Variants in ATP6V1B2 observed in about 807,000 individuals in gnomAD.
The protein encoded by ATP6V1B2 is V-type proton ATPase subunit B, brain isoform.
ATP6V1B2 carries 23 observed loss-of-function variants against 66.7 expected under a neutral mutation model. The observed-to-expected ratio is 0.34, with a 90% CI of 0.25 to 0.49. The LOEUF (loss-of-function observed/expected upper bound fraction) is 0.49, where lower values mean the gene tolerates loss of function less well. Among genes scored for constraint, ATP6V1B2 ranks in the 20% least tolerant of loss-of-function variants. ATP6V1B2 has a pLI of 0.99. For synonymous variants in ATP6V1B2, 278 were observed against 236.7 expected (o/e 1.17, Z -1.60); for missense variants, 478 against 650.8 (o/e 0.73, Z 2.89).
intron 12 of ATP6V1B2, 67 bp from the exon 13 acceptor site, chr8:20,218,086 C>G: frequency 6.3e-7 from 1 of 1,580,052 alleles, no homozygotes; most frequent in South Asian, 1.2e-5. Context: ...CAGTACATTC[C>G]TATATCCCAG....
At chr8:20,200,392 A>G (rs889324042) in intron 1 of ATP6V1B2, among the ~76,000 whole-genome samples, 1 of 152,208 alleles carries the variant, frequency 6.6e-6, no homozygotes, top group Non-Finnish European at 1.5e-5. Flanking sequence ...TGCCTGACAC[A>G]TAGAATGTGC....
intron 2 of ATP6V1B2, among the ~76,000 whole-genome samples, chr8:20,209,086 AATC>A (rs1165881812): frequency 3.3e-5 from 5 of 152,092 alleles, no homozygotes; most frequent in African/African-American, 1.2e-4. Flanking sequence ...CCTAGAAAGC[AATC>A]ATCATTTCTA....
chr8:20,205,982 C>T (rs2072734807), intron 2 of ATP6V1B2, among the ~76,000 whole-genome samples: 1 of 152,102 alleles, frequency 6.6e-6, no homozygotes, highest in Admixed American at 6.5e-5. Context: ...TTATATTCTT[C>T]TCAATAAATA....
Position 20,214,884 on chromosome 8 carries a change from G to T in ATP6V1B2, c.994G>T (p.Ala332Ser). The change falls in exon 10 of 14, where the codon GCC (alanine) becomes TCC (serine). Residue 332 changes from alanine (A) to serine (S), a missense_variant. Coordinates refer to ENST00000276390, the MANE Select transcript of ATP6V1B2 (RefSeq NM_001693.4). ...GFPGYMYTDL[A>S]TIYERAGRVE... ...TCCAGGTTACATGTATACAGATTTA[G>T]CCACGATATATGAACGCGCTGGGCG... 6.2e-7 allele frequency: 1 copy of T among 1,613,496 alleles called. No homozygotes were observed. Among genetic ancestry groups the T allele is most frequent in the African/African-American group, 1.3e-5 (1 of 74,856 alleles).
intron 13 of ATP6V1B2, 107 bp downstream of exon 13, chr8:20,218,389 T>C: frequency 7.0e-7 from 1 of 1,423,212 alleles, no homozygotes; most frequent in Non-Finnish European, 9.4e-7. Context: ...GTTATTTCTC[T>C]GGTTAGAGAA....
intron 3 of ATP6V1B2, 61 bp from the exon 4 acceptor site, chr8:20,210,285 A>T (rs74520834): frequency 9.9e-6 from 14 of 1,418,210 alleles, no homozygotes; most frequent in South Asian, 3.6e-5. Flanking sequence ...AGACAAATAA[A>T]ATGTAAATGC....
intron 2 of ATP6V1B2, among the ~76,000 whole-genome samples, chr8:20,207,619 C>T (rs2072752211): frequency 6.6e-6 from 1 of 151,638 alleles, no homozygotes; most frequent in Admixed American, 6.6e-5. Flanking sequence ...TGACTTCAGG[C>T]TGTTTTCCAA....
chr8:20,216,965 T>G (rs1216912373), intron 11 of ATP6V1B2: 2 of 400,934 alleles, frequency 5.0e-6, no homozygotes, highest in Non-Finnish European at 9.1e-6. Context: ...GAAAGTTGAG[T>G]TTTTTAAAAT....
At position 20,208,029 on chromosome 8, in the gene ATP6V1B2, G is replaced by A. The variant is rs1254422778; in HGVS notation, c.193-1404G>A. ...AAAATGATGCTGTTTTTATTAAAAT[G>A]GCAAAAATTACTTTTAAAAGCATAG... On this transcript the variant is annotated intron_variant, in intron 2 of 13. Transcript: ENST00000276390. Among the ~76,000 whole-genome samples the A allele has an allele frequency of 3.9e-5, 6 of 152,276 alleles. No homozygotes were observed. The East Asian group carries it at 1.2e-3, about 29-fold the overall frequency.
At chr8:20,216,536 T>C (rs760801542) in intron 11 of ATP6V1B2, 41 bp downstream of exon 11, 2 of 1,549,430 alleles carry the variant, frequency 1.3e-6, no homozygotes, top group Non-Finnish European at 1.8e-6. Context: ...GCAGACCTGC[T>C]CATCCGTTAT....
At chr8:20,210,729 T>C (rs1406567919) in intron 5 of ATP6V1B2, 83 bp downstream of exon 5, 1 of 1,184,910 alleles carries the variant, frequency 8.4e-7, no homozygotes, top group Non-Finnish European at 1.2e-6. Context: ...AGAGTGTTTT[T>C]TGTGATATCA....
rs550045166 is a variant in ATP6V1B2 at position 20,199,841 on chromosome 8, G to A, written c.136+2299G>A. 2.6e-5 allele frequency among the ~76,000 whole-genome samples: 4 copies of A among 152,158 alleles called. No individual in the cohort carries two copies. The South Asian group carries it at 8.3e-4, about 32-fold the overall frequency. Reference sequence around the variant, plus strand: ...TCCCAGGCTGGTGGCGAACTCCTGAGCTCAGGCAATCCGCCTACCTAGGCC... The same window carrying A: ...TCCCAGGCTGGTGGCGAACTCCTGAACTCAGGCAATCCGCCTACCTAGGCC... On this transcript the variant is annotated intron_variant, in intron 1 of 13. Coordinates refer to ENST00000276390, the MANE Select transcript of ATP6V1B2 (RefSeq NM_001693.4).
At chr8:20,200,055 T>C (rs1447243373) in intron 1 of ATP6V1B2, among the ~76,000 whole-genome samples, 1 of 151,856 alleles carries the variant, frequency 6.6e-6, no homozygotes, top group African/African-American at 2.4e-5. Context: ...TAGGCTGGAG[T>C]GCAGTGGTGT....
chr8:20,199,588 C>G (rs1020339083), intron 1 of ATP6V1B2, among the ~76,000 whole-genome samples: 2 of 149,236 alleles, frequency 1.3e-5, no homozygotes, highest in African/African-American at 4.9e-5. Context: ...ATTGATTAAC[C>G]TCTTAATTTT....
chr8:20,214,263 G>C (rs1176166033), intron 9 of ATP6V1B2: 1 of 152,270 alleles, frequency 6.6e-6, no homozygotes, highest in African/African-American at 2.4e-5. Flanking sequence ...GCAGTGCAAT[G>C]GACTCCTGAC....
chr8:20,218,099 G>T, intron 12 of ATP6V1B2, 54 bp from the exon 13 acceptor site: 1 of 1,596,774 alleles, frequency 6.3e-7, no homozygotes, highest in South Asian at 1.1e-5. Flanking sequence ...TATCCCAGAT[G>T]ACTGAACATT....
At position 20,205,663 on chromosome 8, in the gene ATP6V1B2, A is replaced by G. The variant is rs377523914; in HGVS notation, c.192+1124A>G. On this transcript the variant is annotated intron_variant, in intron 2 of 13. Transcript: ENST00000276390. ...ATTTTAGATTTTGGCTTTTGTTTTTAACATAAAACATATAGGATCAAGGAA... is the reference window on the plus strand; with the variant it reads ...ATTTTAGATTTTGGCTTTTGTTTTTGACATAAAACATATAGGATCAAGGAA... 1.7e-4 allele frequency among the ~76,000 whole-genome samples: 26 copies of G among 152,326 alleles called. No individual in the cohort carries two copies. In the East Asian group the frequency reaches 2.3e-3, roughly 14 times the overall value.
At chr8:20,207,586 TAAAAA>T (rs906542327) in intron 2 of ATP6V1B2, among the ~76,000 whole-genome samples, 5 of 151,178 alleles carry the variant, frequency 3.3e-5, no homozygotes, top group African/African-American at 7.3e-5. Flanking sequence ...TAAAATAAAA[TAAAAA>T]AGAAAAGACC....
chr8:20,220,128 T>C (rs1312189431), intron 13 of ATP6V1B2, 135 bp from the exon 14 acceptor site: 8 of 863,852 alleles, frequency 9.3e-6, no homozygotes, highest in African/African-American at 1.8e-5. Flanking sequence ...GTCCTTCTCA[T>C]TTAGTCTTGG....
Sources: allele counts gnomAD v4.1 joint callset (sites outside exome capture counted in the v4.1 genomes callset), GRCh38; gene constraint gnomAD v4.1.1; transcripts MANE v1.5; gene names NCBI Gene and HGNC (gene_info 2026-07-23, HGNC 2026-07-21).